HECW2: variants seen among roughly 807,000 people sequenced by gnomAD.
The protein encoded by HECW2 is E3 ubiquitin-protein ligase HECW2.
HECW2 carries 61 observed loss-of-function variants against 175.2 expected under a neutral mutation model. That is an observed-to-expected ratio of 0.35 (90% CI 0.28 to 0.43). The LOEUF (loss-of-function observed/expected upper bound fraction) is 0.43. Ranked by LOEUF, HECW2 falls within the 20% of genes least tolerant of loss-of-function variation. HECW2 has a pLI of 1.00. For synonymous variants in HECW2, 671 were observed against 731.0 expected, an observed-to-expected ratio of 0.92 and a Z score of 1.32; for missense variants, 1,524 against 2,000.5, an observed-to-expected ratio of 0.76 and a Z score of 4.54.
rs765958118 is a variant in HECW2, at chr2:196,319,086, C to T, written c.1804G>A (p.Asp602Asn). The change falls in exon 9 of 29, where the codon GAT (aspartate) becomes AAT (asparagine). Residue 602 changes from aspartate to asparagine, a missense_variant. By Grantham distance (23) the Asp-to-Asn change is conservative. Coordinates refer to ENST00000644978, the MANE Select transcript of HECW2 (RefSeq NM_001348768.2). ...RRAVSETESL[D>N]QGSEPSQVSS... is the part of the protein sequence containing the mutation. ...ACCTGGGAAGGCTCAGAGCCCTGATCGAGAGACTCGGTCTCACTGACGGCT... is the reference window on the plus strand; with the variant it reads ...ACCTGGGAAGGCTCAGAGCCCTGATTGAGAGACTCGGTCTCACTGACGGCT... The T allele has an allele frequency of 7.5e-6, 12 of 1,604,074 alleles. No individual in the cohort carries two copies. Among genetic ancestry groups the T allele is most frequent in the African/African-American group, 1.3e-5 (1 of 74,722 alleles).
At chr2:196,345,187 C>T (rs1036527227) in intron 2 of HECW2, among the ~76,000 whole-genome samples, 4 of 152,188 alleles carry the variant, frequency 2.6e-5, no homozygotes, top group Non-Finnish European at 4.4e-5. Context: ...CCATTTCATA[C>T]AGAAATATAA....
chr2:196,588,053 T>G (rs911639990), intron 1 of HECW2, among the ~76,000 whole-genome samples: 1 of 152,202 alleles, frequency 6.6e-6, no homozygotes, highest in Admixed American at 6.5e-5. Context: ...TTAAGGTCTC[T>G]TTCTCCATGA....
rs763732551 is a variant in HECW2, at chr2:196,242,222, G to A, written c.3530-18C>T. 1.9e-6 allele frequency: 3 copies of A among 1,613,888 alleles called. No homozygotes were observed. Among genetic ancestry groups the A allele is most frequent in the Non-Finnish European group, 2.5e-6 (3 of 1,179,988 alleles). On this transcript the variant is annotated intron_variant, in intron 19 of 28. Transcript: ENST00000644978. ...CTGGGTACCTGCAGCAAACCACAAAGAGAGGACAATCTGGATTTGTGCCTC... is the reference window on the plus strand; with the variant it reads ...CTGGGTACCTGCAGCAAACCACAAAAAGAGGACAATCTGGATTTGTGCCTC...
chr2:196,550,962 G>T (rs1463067652), intron 1 of HECW2, among the ~76,000 whole-genome samples: 5 of 152,216 alleles, frequency 3.3e-5, no homozygotes, highest in East Asian at 1.9e-4. Context: ...TTTCTAATAA[G>T]ATCAATAAAG....
intron 1 of HECW2, among the ~76,000 whole-genome samples, chr2:196,462,605 T>C (rs1317523935): frequency 6.6e-6 from 1 of 152,192 alleles, no homozygotes; most frequent in South Asian, 2.1e-4. Flanking sequence ...AGCCCACTTA[T>C]TTACAAAGCA....
In HECW2 at chr2:196,265,583, C is replaced by A. The variant is rs535196249; in HGVS notation, c.3335+5610G>T. On this transcript the variant is annotated intron_variant, in intron 17 of 28. Coordinates refer to ENST00000644978, the MANE Select transcript of HECW2 (RefSeq NM_001348768.2). ...GTCCATTTATATGCATGATTAATTT[C>A]AGGAATAGTGGTTTTTAGAATTAGA... 7.2e-5 allele frequency among the ~76,000 whole-genome samples: 11 copies of A among 152,164 alleles called. No individual in the cohort carries two copies. In the South Asian group the frequency reaches 2.3e-3, roughly 32 times the overall value.
intron 1 of HECW2, among the ~76,000 whole-genome samples, chr2:196,495,729 A>C (rs999269161): frequency 6.6e-6 from 1 of 152,214 alleles, no homozygotes; most frequent in Non-Finnish European, 1.5e-5. Context: ...TCCAAATGAG[A>C]ATAATTGCAA....
chr2:196,384,925 CTTT>C (rs924896753), intron 2 of HECW2, among the ~76,000 whole-genome samples: 4 of 148,660 alleles, frequency 2.7e-5, no homozygotes, highest in Non-Finnish European at 4.5e-5. Flanking sequence ...GTTTCTTTCA[CTTT>C]TTTTTTTAGT....
At position 196,222,288 on chromosome 2, in the gene HECW2, G is replaced by T. The variant is rs1350519523; in HGVS notation, c.4069C>A (p.Leu1357Met). 6.2e-7 allele frequency: 1 copy of T among 1,613,374 alleles called. No homozygotes were observed. The highest frequency in any genetic ancestry group is 1.3e-5 in the African/African-American group (1 of 74,922). The change falls in exon 24 of 29, where the codon CTG becomes ATG. Residue 1357 changes from leucine to methionine, a missense_variant. By Grantham distance (15) the Leu-to-Met change is conservative. Transcript: ENST00000644978. ...ATATCATTGTCTTTCATCCACTGCA[G>T]GCTCTGATGGAACTCTTCATCAAGG... Reference protein sequence around the residue: ...EYLDEEFHQSLQWMKDNDIHD... With the variant: ...EYLDEEFHQSMQWMKDNDIHD...
At chr2:196,494,099 C>T (rs1687296569) in intron 1 of HECW2, among the ~76,000 whole-genome samples, 1 of 152,188 alleles carries the variant, frequency 6.6e-6, no homozygotes, top group Non-Finnish European at 1.5e-5. Context: ...TAAGGAGAGG[C>T]ATTCCAAGAG....
intron 21 of HECW2, among the ~76,000 whole-genome samples, chr2:196,230,090 C>T (rs899108325): frequency 2.0e-5 from 3 of 152,184 alleles, no homozygotes; most frequent in Admixed American, 2.0e-4. Context: ...ACACAATGGA[C>T]CTGCCCTCTG....
intron 1 of HECW2, among the ~76,000 whole-genome samples, chr2:196,496,941 T>C (rs1239251878): frequency 6.6e-6 from 1 of 152,040 alleles, no homozygotes; most frequent in Non-Finnish European, 1.5e-5. Context: ...TATGAAAAAC[T>C]AGGGGGAAAA....
In HECW2 at chr2:196,454,055, G is replaced by A. The variant is rs1465580197; in HGVS notation, c.-35-20597C>T. Among the ~76,000 whole-genome samples, 3 of 152,108 alleles carry A rather than the reference G, an allele frequency of 2.0e-5. No individual in the cohort carries two copies. The East Asian group carries it at 5.8e-4, about 29-fold the overall frequency. ...AGACAGAGACTCACTCTGTTGCCCA[G>A]GCTGGAGTGCAGTTGCACGGTCTCA... On this transcript the variant is annotated intron_variant, in intron 1 of 28. Transcript: ENST00000644978.
chr2:196,389,894 T>TC (rs1694456307), intron 2 of HECW2, among the ~76,000 whole-genome samples: 1 of 151,988 alleles, frequency 6.6e-6, no homozygotes, highest in Non-Finnish European at 1.5e-5. Context: ...GTGTATCCTC[T>TC]CCCTGAACAG....
At chr2:196,250,466 C>A (rs560599261) in intron 19 of HECW2, among the ~76,000 whole-genome samples, 1 of 152,106 alleles carries the variant, frequency 6.6e-6, no homozygotes, top group African/African-American at 2.4e-5. Context: ...CAAAAATAAT[C>A]GTGAGAGGTG....
At chr2:196,488,649 C>T (rs1687091567) in intron 1 of HECW2, among the ~76,000 whole-genome samples, 1 of 149,672 alleles carries the variant, frequency 6.7e-6, no homozygotes, top group South Asian at 2.1e-4. Context: ...CACACACACA[C>T]ACACACCCCA....
Position 196,319,921 on chromosome 2 carries a change from C to A in HECW2, c.986-17G>T. The A allele has an allele frequency of 6.4e-7, 1 of 1,556,446 alleles. No homozygotes were observed. The highest frequency in any genetic ancestry group is 1.2e-5 in the South Asian group (1 of 83,618). On this transcript the variant is annotated splice_polypyrimidine_tract_variant and intron_variant, in intron 8 of 28. Transcript: ENST00000644978. ...GAGAGGCATCTGAATGAGAAAACAG[C>A]ATTTCTAAAAAATTAACCAGAAATA...
intron 2 of HECW2, among the ~76,000 whole-genome samples, chr2:196,345,017 G>A (rs969603207): frequency 2.0e-5 from 3 of 152,186 alleles, no homozygotes; most frequent in African/African-American, 4.8e-5. Flanking sequence ...AACTTTGGGA[G>A]GGATGGTCCT....
intron 1 of HECW2, among the ~76,000 whole-genome samples, chr2:196,532,567 T>C (rs1688878679): frequency 1.3e-5 from 2 of 152,034 alleles, no homozygotes; most frequent in African/African-American, 4.8e-5. Context: ...CCATAGCACG[T>C]GTATACCAAT....
Sources: gnomAD v4.1 joint callset for allele counts (sites outside exome capture counted in the v4.1 genomes callset) on GRCh38, gnomAD v4.1.1 for gene constraint, MANE v1.5 for transcripts, NCBI Gene and HGNC (gene_info 2026-07-23, HGNC 2026-07-21) for gene names.